The following CFAP52 variants were observed in gnomAD, a reference collection of about 807,000 sequenced individuals.
CFAP52 encodes the protein cilia- and flagella-associated protein 52.
In CFAP52, 57 loss-of-function variants were observed where a neutral mutation model predicts 70.5. That is an observed-to-expected ratio of 0.81 (90% CI 0.65 to 1.01). The LOEUF (loss-of-function observed/expected upper bound fraction) is 1.01, where lower values mean the gene tolerates loss of function less well. CFAP52 is among the 50% of genes least tolerant of loss of function. The pLI, the probability that CFAP52 is intolerant of heterozygous loss-of-function variation, is 0.00. For missense variants in CFAP52, 785 were observed against 788.5 expected (o/e 1.00, Z 0.05); for synonymous variants, 267 against 292.5 (o/e 0.91, Z 0.89).
intron 3 of CFAP52, chr17:9,590,274 C>T (rs1177614178): frequency 2.1e-5 from 4 of 189,180 alleles, no homozygotes; most frequent in Admixed American, 5.2e-5. Context: ...GCCCTTCTGG[C>T]GGGCCAAGGT....
At chr17:9,599,078 G>A (rs1909151675) in intron 5 of CFAP52, among the ~76,000 whole-genome samples, 1 of 152,122 alleles carries the variant, frequency 6.6e-6, no homozygotes, top group South Asian at 2.1e-4. Context: ...ATATATTCAG[G>A]TTGCATATTC....
Position 9,576,747 on chromosome 17 carries a change from G to A in CFAP52, c.52G>A (p.Ala18Thr). ...CCAAGTGGCGGAGCTGGAACTTGAC[G>A]CCGTGATCGGCTTCAATGGTGAGGC... is the stretch of plus-strand genomic sequence containing the variant. Reference protein sequence around the residue: ...EAQVAELELDAVIGFNGHVPT... With the variant: ...EAQVAELELDTVIGFNGHVPT... Residue 18 changes from alanine (A) to threonine (T), a missense_variant, in exon 1 of 14, where the codon GCC becomes ACC. By Grantham distance (58) the Ala-to-Thr change is moderately conservative (BLOSUM62 0). Coordinates refer to ENST00000352665, the MANE Select transcript of CFAP52 (RefSeq NM_145054.5). The A allele has an allele frequency of 6.2e-7, 1 of 1,612,400 alleles. No homozygotes were observed. The highest frequency in any genetic ancestry group is 8.5e-7 in the Non-Finnish European group (1 of 1,179,212).
In CFAP52 at chr17:9,641,820, G is replaced by A. The variant is rs1911076295; in HGVS notation, c.1672G>A (p.Val558Met). The change falls in exon 13 of 14, where the codon GTG (valine) becomes ATG (methionine). Residue 558 changes from valine to methionine, a missense_variant. Physicochemically the swap from Val to Met is conservative, Grantham distance 21. Transcript: ENST00000352665. ...INGMDITQEG[V>M]HFVTGGNDHL... ...TGGCATGGATATCACACAGGAAGGG[G>A]TGCACTTTGTCACAGGTTAGTCCTG... 2 of 1,613,604 alleles carry A rather than the reference G, an allele frequency of 1.2e-6. No individual in the cohort carries two copies. The highest frequency in any genetic ancestry group is 1.7e-6 in the Non-Finnish European group (2 of 1,179,716).
intron 3 of CFAP52, 109 bp from the exon 4 acceptor site, chr17:9,594,083 AG>A: frequency 3.5e-6 from 5 of 1,428,748 alleles, no homozygotes; most frequent in Admixed American, 2.6e-5. Flanking sequence ...TTCGTTTTTA[AG>A]TAACCTGTTG....
At chr17:9,611,634 G>T (rs1909715165) in intron 7 of CFAP52, among the ~76,000 whole-genome samples, 1 of 152,042 alleles carries the variant, frequency 6.6e-6, no homozygotes, top group Non-Finnish European at 1.5e-5. Flanking sequence ...CCAAAGTGCT[G>T]GGATTACAGG....
At chr17:9,630,920 A>G (rs1342438649) in intron 9 of CFAP52, among the ~76,000 whole-genome samples, 1 of 148,620 alleles carries the variant, frequency 6.7e-6, no homozygotes, top group African/African-American at 2.5e-5. Context: ...CGGGAGGTGG[A>G]GGTTGCAGTG....
In CFAP52 at chr17:9,628,804, CA is replaced by C. The variant is rs779903938; in HGVS notation, c.1162del (p.Ser388AlafsTer21). On this transcript the variant is annotated frameshift_variant, in exon 9 of 14. Transcript: ENST00000352665. LOFTEE classifies it high-confidence loss of function. ...CHGIDFMRDG[K>X]SIISAWNDGK... ...ACGGCATCGACTTCATGAGGGACGG[CA>C]AAAGCATCATTTCAGGTAACGTCCA... is the stretch of plus-strand genomic sequence containing the variant. The C allele has an allele frequency of 8.4e-5, 136 of 1,614,010 alleles. No individual in the cohort carries two copies. Among genetic ancestry groups the C allele is most frequent in the Admixed American group, 1.8e-4 (11 of 59,990 alleles).
chr17:9,585,674 C>G, intron 1 of CFAP52, 99 bp from the exon 2 acceptor site: 1 of 1,226,810 alleles, frequency 8.2e-7, no homozygotes, highest in Admixed American at 1.7e-5. Context: ...CTCTGTCACA[C>G]ACACACACAC....
intron 7 of CFAP52, among the ~76,000 whole-genome samples, chr17:9,609,375 G>A (rs2151940845): frequency 6.6e-6 from 1 of 152,302 alleles, no homozygotes; most frequent in East Asian, 1.9e-4. Flanking sequence ...GAAGTAGGAT[G>A]CAGAGTAAGG....
intron 7 of CFAP52, among the ~76,000 whole-genome samples, chr17:9,609,217 C>G (rs1270228691): frequency 7.1e-6 from 1 of 140,884 alleles, no homozygotes. Context: ...TAGGATATCT[C>G]AGTGAATAAA....
In CFAP52 at chr17:9,633,019, G is replaced by T; in HGVS notation, c.1306G>T (p.Gly436Cys). 6.2e-7 allele frequency: 1 copy of T among 1,613,826 alleles called. No homozygotes were observed. Among genetic ancestry groups the T allele is most frequent in the Non-Finnish European group, 8.5e-7 (1 of 1,179,912 alleles). ...TSDCKRVISG[G>C]GEGEVRVWQI... The stretch of plus-strand genomic sequence containing the variant: ...TGACTGTAAAAGGGTCATCAGTGGC[G>T]GTGGGGAAGGGGAGGTATTGAAAGC... Residue 436 changes from glycine (G) to cysteine (C), a missense_variant, in exon 10 of 14, where the codon GGT becomes TGT. By Grantham distance (159) the Gly-to-Cys change is radical. Coordinates refer to ENST00000352665, the MANE Select transcript of CFAP52 (RefSeq NM_145054.5).
At chr17:9,635,131 A>G (rs1385765324) in intron 10 of CFAP52, among the ~76,000 whole-genome samples, 3 of 152,180 alleles carry the variant, frequency 2.0e-5, no homozygotes, top group Non-Finnish European at 4.4e-5. Context: ...CGATTTGCAT[A>G]GCAGGTGTCT....
In CFAP52 at chr17:9,643,102, C is replaced by T. The variant is rs1911158149; in HGVS notation, c.1767C>T (p.Asn589=). The T allele has an allele frequency of 6.2e-7, 1 of 1,613,602 alleles. No individual in the cohort carries two copies. The highest frequency in any genetic ancestry group is 2.2e-5 in the East Asian group (1 of 44,898). The change falls in exon 14 of 14, where the codon AAC becomes AAT. Residue 589 remains asparagine (N), a synonymous_variant. Transcript: ENST00000352665. ...ACGTTGGGGTGGGACACAGTGGCAACATCACACGCATCCGCATAAGTCCAG... is the reference window on the plus strand; with the variant it reads ...ACGTTGGGGTGGGACACAGTGGCAATATCACACGCATCCGCATAAGTCCAG... ...VTHVGVGHSG[N]ITRIRISPGN... is the part of the protein sequence containing the mutation.
chr17:9,594,053 G>C (rs1908884369), intron 3 of CFAP52, 140 bp from the exon 4 acceptor site: 1 of 1,236,042 alleles, frequency 8.1e-7, no homozygotes, highest in African/African-American at 1.5e-5. Context: ...GGAGATGTCA[G>C]GGGTGGGGTA....
intron 7 of CFAP52, 120 bp from the exon 8 acceptor site, chr17:9,612,189 C>T (rs1023765112): frequency 7.6e-6 from 10 of 1,311,620 alleles, no homozygotes; most frequent in Non-Finnish European, 1.0e-5. Flanking sequence ...AACTGTGTCA[C>T]TTCTGTGAGG....
rs1462624584 is a variant in CFAP52 at position 9,636,198 on chromosome 17, AG to A, written c.1472+643del. On this transcript the variant is annotated intron_variant, in intron 11 of 13. Coordinates refer to ENST00000352665, the MANE Select transcript of CFAP52 (RefSeq NM_145054.5). Reference sequence around the variant, plus strand: ...TCAAAAAAAAGAAAGAAAGAAAGAAAGAAAGAAAGAAAGAAAGAAAGAAAGA... The same window carrying A: ...TCAAAAAAAAGAAAGAAAGAAAGAAAAAAGAAAGAAAGAAAGAAAGAAAGA... 1.9e-3 allele frequency among the ~76,000 whole-genome samples: 228 copies of A among 118,884 alleles called. 11 individuals carry two copies. Among genetic ancestry groups the A allele is most frequent in the African/African-American group, 7.3e-3 (215 of 29,446 alleles). 78.0% of individuals were successfully genotyped at this position (118,884 alleles called of 152,430 possible).
chr17:9,586,557 C>G, intron 2 of CFAP52, 141 bp from the exon 3 acceptor site: 1 of 1,144,788 alleles, frequency 8.7e-7, no homozygotes, highest in Non-Finnish European at 1.2e-6. Context: ...AAGAGTGAGA[C>G]TCCGTCTCAA....
At chr17:9,577,942 A>G (rs940849436) in intron 1 of CFAP52, among the ~76,000 whole-genome samples, 1 of 152,030 alleles carries the variant, frequency 6.6e-6, no homozygotes, top group African/African-American at 2.4e-5. Context: ...AAATACAAAA[A>G]TTATCCGGGC....
chr17:9,627,679 T>C (rs983238124), intron 8 of CFAP52, among the ~76,000 whole-genome samples: 1 of 152,190 alleles, frequency 6.6e-6, no homozygotes, highest in Non-Finnish European at 1.5e-5. Flanking sequence ...AGCTTTTTGT[T>C]TGTCAATCAT....
Sources: allele counts gnomAD v4.1 joint callset (sites outside exome capture counted in the v4.1 genomes callset), GRCh38; gene constraint gnomAD v4.1.1; transcripts MANE v1.5; gene names NCBI Gene and HGNC (gene_info 2026-07-23, HGNC 2026-07-21).